Variants in MCF2L2 observed in about 807,000 individuals in gnomAD.
MCF2L2 encodes the protein probable guanine nucleotide exchange factor MCF2L2.
In MCF2L2, 102 loss-of-function variants were observed where a neutral mutation model predicts 150.2. The ratio of observed to expected loss-of-function variants is 0.68; its 90% CI spans 0.58 to 0.80. The LOEUF is 0.80. MCF2L2 is among the 30% of genes least tolerant of loss of function. The pLI is 0.00. For missense variants in MCF2L2, 1,256 were observed against 1,372.8 expected, an observed-to-expected ratio of 0.91 and a Z score of 1.34; for synonymous variants, 465 against 491.3, an observed-to-expected ratio of 0.95 and a Z score of 0.71.
chr3:183,361,020 A>AG (rs1560040170), intron 3 of MCF2L2, among the ~76,000 whole-genome samples: 2 of 126,580 alleles, frequency 1.6e-5, no homozygotes, highest in African/African-American at 6.5e-5. Flanking sequence ...AAAGAAAAGA[A>AG]AAGAGAAAAG....
intron 14 of MCF2L2, among the ~76,000 whole-genome samples, chr3:183,282,102 C>T (rs1029956447): frequency 2.0e-5 from 3 of 151,664 alleles, no homozygotes; most frequent in Admixed American, 6.6e-5. Flanking sequence ...CTTAAATTTC[C>T]CAGCTACTAT....
intron 3 of MCF2L2, among the ~76,000 whole-genome samples, chr3:183,353,510 G>A (rs971432646): frequency 6.6e-6 from 1 of 152,158 alleles, no homozygotes; most frequent in Non-Finnish European, 1.5e-5. Flanking sequence ...TATATGGGAA[G>A]CATGGCTGGG....
chr3:183,222,378 C>T (rs927541017), intron 20 of MCF2L2, among the ~76,000 whole-genome samples: 9 of 152,046 alleles, frequency 5.9e-5, no homozygotes, highest in Admixed American at 1.3e-4. Flanking sequence ...GGTGAAACCC[C>T]GTCTCTACTA....
In MCF2L2 at chr3:183,259,550, C is replaced by T. The variant is rs140344033; in HGVS notation, c.1862+17322G>A. 1.6e-4 allele frequency among the ~76,000 whole-genome samples: 24 copies of T among 152,246 alleles called. 1 individual carries two copies. In the South Asian group the frequency reaches 3.7e-3, roughly 24 times the overall value. On this transcript the variant is annotated intron_variant, in intron 15 of 29. Transcript: ENST00000328913. ...TTTTCCCTGCCTTTACACATGAAAA[C>T]GGTTTTGATACAGCTTTTTCATTAG...
At chr3:183,187,791 G>A (rs1377684278) in intron 27 of MCF2L2, among the ~76,000 whole-genome samples, 1 of 152,152 alleles carries the variant, frequency 6.6e-6, no homozygotes, top group Non-Finnish European at 1.5e-5. Flanking sequence ...TAAGCTGCCA[G>A]TAAACAGCAC....
At chr3:183,361,305 G>T (rs558014549) in intron 3 of MCF2L2, among the ~76,000 whole-genome samples, 2 of 152,248 alleles carry the variant, frequency 1.3e-5, no homozygotes, top group East Asian at 3.9e-4. Flanking sequence ...AAGAATGCTG[G>T]TAATGCTACT....
At chr3:183,213,598 A>C (rs1722813550) in intron 22 of MCF2L2, among the ~76,000 whole-genome samples, 1 of 152,210 alleles carries the variant, frequency 6.6e-6, no homozygotes, top group South Asian at 2.1e-4. Flanking sequence ...CACCTGTAAT[A>C]AAACTCTACA....
At chr3:183,323,442 T>C (rs1729898240) in intron 5 of MCF2L2, 91 bp from the exon 6 acceptor site, 2 of 490,524 alleles carry the variant, frequency 4.1e-6, no homozygotes, top group Non-Finnish European at 6.9e-6. Flanking sequence ...TTATATTTTA[T>C]ATTCTATTAT....
chr3:183,332,014 A>G (rs1471486848), intron 5 of MCF2L2, among the ~76,000 whole-genome samples: 1 of 152,190 alleles, frequency 6.6e-6, no homozygotes, highest in Non-Finnish European at 1.5e-5. Context: ...CTTTCCCCCC[A>G]ACACGTGAAA....
intron 4 of MCF2L2, among the ~76,000 whole-genome samples, chr3:183,340,681 G>C (rs1044751095): frequency 3.3e-5 from 5 of 152,166 alleles, no homozygotes; most frequent in Non-Finnish European, 5.9e-5. Flanking sequence ...AGTGGCTCAA[G>C]CCTGTAATCC....
rs776695278 is a variant in MCF2L2 at position 183,219,904 on chromosome 3, A to G, written c.2322T>C (p.Ser774=). ...CTGGGTCTATCTCCATATCTTCAGG[A>G]GACTCGAAATCCAGCAGACCCTGCA... is the stretch of plus-strand genomic sequence containing the variant. ...MLLKGLLDFE[S]PEDMEIDPGE... The change falls in exon 21 of 30, where the codon TCT becomes TCC. Residue 774 remains serine, a synonymous_variant. Transcript: ENST00000328913. 8 of 1,613,486 alleles carry G rather than the reference A, an allele frequency of 5.0e-6. No individual in the cohort carries two copies. In the South Asian group the frequency reaches 8.8e-5, roughly 18 times the overall value.
intron 1 of MCF2L2, among the ~76,000 whole-genome samples, chr3:183,392,652 G>C (rs1412876622): frequency 6.6e-6 from 1 of 152,182 alleles, no homozygotes; most frequent in Non-Finnish European, 1.5e-5. Context: ...CTGGCCAGCT[G>C]CAACAGATCA....
chr3:183,356,365 T>G (rs113322597), intron 3 of MCF2L2, among the ~76,000 whole-genome samples: 7 of 151,898 alleles, frequency 4.6e-5, no homozygotes, highest in African/African-American at 1.7e-4. Context: ...ATATAAAAAT[T>G]AGTTGGGCGT....
At chr3:183,379,898 T>C (rs1226801465) in intron 2 of MCF2L2, among the ~76,000 whole-genome samples, 1 of 151,660 alleles carries the variant, frequency 6.6e-6, no homozygotes, top group Non-Finnish European at 1.5e-5. Flanking sequence ...TATGTATATA[T>C]ATAGATATAT....
chr3:183,233,070 G>A (rs527517509), intron 15 of MCF2L2, among the ~76,000 whole-genome samples: 1 of 152,176 alleles, frequency 6.6e-6, no homozygotes, highest in Non-Finnish European at 1.5e-5. Context: ...TGGTACATGG[G>A]CCGGGCATGG....
intron 13 of MCF2L2, among the ~76,000 whole-genome samples, chr3:183,293,879 T>C (rs1053845203): frequency 6.6e-6 from 1 of 152,172 alleles, no homozygotes; most frequent in Non-Finnish European, 1.5e-5. Flanking sequence ...AAAAAAATGT[T>C]AAATGCCTAA....
rs1028425289 is a variant in MCF2L2 at position 183,316,312 on chromosome 3, GTTTGT to G, written c.753+1751_753+1755del. Among the ~76,000 whole-genome samples, 4 of 145,056 alleles carry G rather than the reference GTTTGT, an allele frequency of 2.8e-5. No homozygotes were observed. In the South Asian group the frequency reaches 8.7e-4, roughly 31 times the overall value. On this transcript the variant is annotated intron_variant, in intron 7 of 29. Coordinates refer to ENST00000328913, the MANE Select transcript of MCF2L2 (RefSeq NM_015078.4). ...ATTTCAGTCCAGATTTTTTTTTTTTGTTTGTTTTATTTTGGTGTTTTTTTGTTTTG... is the reference window on the plus strand; with the variant it reads ...ATTTCAGTCCAGATTTTTTTTTTTTGTTTATTTTGGTGTTTTTTTGTTTTG...
At chr3:183,287,759 C>T (rs918144138) in intron 14 of MCF2L2, 8 of 152,174 alleles carry the variant, frequency 5.3e-5, no homozygotes, top group African/African-American at 1.9e-4. Flanking sequence ...GGCAAACGGA[C>T]GCAGCTTTCT....
At chr3:183,395,726 C>A (rs1714401889) in intron 1 of MCF2L2, among the ~76,000 whole-genome samples, 1 of 151,912 alleles carries the variant, frequency 6.6e-6, no homozygotes, top group Non-Finnish European at 1.5e-5. Flanking sequence ...TGAGACCAGC[C>A]TGGCCAACAT....
Sources: allele counts gnomAD v4.1 joint callset (sites outside exome capture counted in the v4.1 genomes callset), GRCh38; gene constraint gnomAD v4.1.1; transcripts MANE v1.5; gene names NCBI Gene and HGNC (gene_info 2026-07-23, HGNC 2026-07-21).